Variants in NXPE2 observed in about 807,000 individuals in gnomAD.
NXPE2 encodes the protein neurexophilin and PC-esterase domain family member 2.
NXPE2 carries 34 observed loss-of-function variants against 34.4 expected under a neutral mutation model. That is an observed-to-expected ratio of 0.99 (90% confidence interval 0.75 to 1.31). The LOEUF is 1.31. NXPE2 is among the 40% of genes most tolerant of loss of function. NXPE2 has a pLI of 0.00. For synonymous variants in NXPE2, 235 were observed against 231.3 expected, an observed-to-expected ratio of 1.02 and a Z score of -0.15; for missense variants, 649 against 672.5, an observed-to-expected ratio of 0.97 and a Z score of 0.39.
chr11:114,493,957 T>A, the NXPE2 span, among the ~76,000 whole-genome samples: 1 of 146,136 alleles, frequency 6.8e-6, no homozygotes, highest in African/African-American at 2.4e-5. Context: ...ATTTGAAGGA[T>A]TTTTTTGCTG....
chr11:114,672,288 C>T, the NXPE2 span, among the ~76,000 whole-genome samples: 1 of 151,818 alleles, frequency 6.6e-6, no homozygotes, highest in Non-Finnish European at 1.5e-5. Context: ...TAATAAGAAT[C>T]TACTGTGCAA....
chr11:114,483,505 AG>A, the NXPE2 span, among the ~76,000 whole-genome samples: 3 of 152,210 alleles, frequency 2.0e-5, no homozygotes, highest in African/African-American at 4.8e-5. Flanking sequence ...CCTTAAGCCC[AG>A]TGCCTGGCAC....
At chr11:114,724,441 T>C in the NXPE2 span, among the ~76,000 whole-genome samples, 1 of 152,148 alleles carries the variant, frequency 6.6e-6, no homozygotes, top group African/African-American at 2.4e-5. Flanking sequence ...TAATAGCCAG[T>C]AGCCAGTGTG....
At chr11:114,633,917 A>T in the NXPE2 span, among the ~76,000 whole-genome samples, 1 of 152,066 alleles carries the variant, frequency 6.6e-6, no homozygotes. Flanking sequence ...GTGCCACAAT[A>T]AACATATGTG....
At chr11:114,670,344 C>A in the NXPE2 span, among the ~76,000 whole-genome samples, 1 of 151,972 alleles carries the variant, frequency 6.6e-6, no homozygotes, top group African/African-American at 2.4e-5. Flanking sequence ...GGAGCAATAT[C>A]AGAGACTATG....
At chr11:114,696,354 A>AG (rs1951254833) in intron 2 of NXPE2, among the ~76,000 whole-genome samples, 2 of 148,658 alleles carry the variant, frequency 1.3e-5, no homozygotes, top group South Asian at 2.1e-4. Context: ...AAAAAAAAAA[A>AG]AAAAAGAAAG....
the NXPE2 span, among the ~76,000 whole-genome samples, chr11:114,643,142 G>T: frequency 1.3e-5 from 2 of 152,140 alleles, no homozygotes; most frequent in South Asian, 4.1e-4. Flanking sequence ...GTTCTTTGTA[G>T]ATTCTGGATA....
chr11:114,790,466 C>T, the NXPE2 span, among the ~76,000 whole-genome samples: 1 of 152,206 alleles, frequency 6.6e-6, no homozygotes, highest in Non-Finnish European at 1.5e-5. Flanking sequence ...CTGAAGATTA[C>T]AAGCTACAAT....
At chr11:114,552,559 A>G in the NXPE2 span, among the ~76,000 whole-genome samples, 4 of 152,038 alleles carry the variant, frequency 2.6e-5, no homozygotes, top group Non-Finnish European at 4.4e-5. Flanking sequence ...CTCGGAATGT[A>G]CAAAAAGCAT....
chr11:114,722,084 A>T, the NXPE2 span, among the ~76,000 whole-genome samples: 2 of 152,166 alleles, frequency 1.3e-5, no homozygotes, highest in Non-Finnish European at 2.9e-5. Flanking sequence ...CATCTAGAAG[A>T]TTCTTATTCT....
the NXPE2 span, chr11:114,581,818 A>G: frequency 2.0e-6 from 3 of 1,490,182 alleles, no homozygotes; most frequent in Non-Finnish European, 2.8e-6. Context: ...ATTAATCTGT[A>G]GGTGGCCTCA....
chr11:114,652,269 C>T, the NXPE2 span, among the ~76,000 whole-genome samples: 3 of 152,216 alleles, frequency 2.0e-5, no homozygotes, highest in Non-Finnish European at 4.4e-5. Flanking sequence ...CATTGAGCAT[C>T]TGGAAGGGGA....
At chr11:114,507,972 T>C in the NXPE2 span, among the ~76,000 whole-genome samples, 3 of 152,184 alleles carry the variant, frequency 2.0e-5, no homozygotes, top group Non-Finnish European at 4.4e-5. Flanking sequence ...GCAGACAATA[T>C]GATGCTATAT....
the NXPE2 span, chr11:114,583,992 A>T: frequency 5.4e-6 from 2 of 370,554 alleles, no homozygotes; most frequent in Non-Finnish European, 1.1e-5. Flanking sequence ...GTCATGTCCA[A>T]AGTAATAGAG....
chr11:114,769,041 A>G, the NXPE2 span, among the ~76,000 whole-genome samples: 1 of 152,164 alleles, frequency 6.6e-6, no homozygotes, highest in African/African-American at 2.4e-5. Flanking sequence ...AACGGGAGAA[A>G]ATTTTTGCAA....
chr11:114,625,398 A>C, the NXPE2 span, among the ~76,000 whole-genome samples: 1 of 152,088 alleles, frequency 6.6e-6, no homozygotes, highest in African/African-American at 2.4e-5. Flanking sequence ...GTGGATAATA[A>C]GTATTGCCTC....
At chr11:114,730,134 T>A in the NXPE2 span, among the ~76,000 whole-genome samples, 1 of 152,202 alleles carries the variant, frequency 6.6e-6, no homozygotes, top group Non-Finnish European at 1.5e-5. Context: ...TAGCCAGTTA[T>A]CCCAGCACCA....
the NXPE2 span, chr11:114,594,788 A>G: frequency 8.4e-7 from 1 of 1,191,522 alleles, no homozygotes; most frequent in Non-Finnish European, 1.2e-6. Flanking sequence ...GACAATACAA[A>G]AACAAGCACA....
chr11:114,708,551 C>T (rs866030176), downstream of NXPE2, among the ~76,000 whole-genome samples: 1 of 151,146 alleles, frequency 6.6e-6, no homozygotes, highest in Non-Finnish European at 1.5e-5. Context: ...AAGTTTGGGT[C>T]GTCAGGAGGT....
Sources: gnomAD v4.1 joint callset for allele counts (sites outside exome capture counted in the v4.1 genomes callset) on GRCh38, gnomAD v4.1.1 for gene constraint, MANE v1.5 for transcripts, NCBI Gene and HGNC (gene_info 2026-07-23, HGNC 2026-07-21) for gene names.